Variants in CALCR observed in about 807,000 individuals in gnomAD.
The protein encoded by CALCR is calcitonin receptor.
A neutral mutation model predicts 59.5 loss-of-function variants in CALCR; 47 were observed. The observed-to-expected ratio is 0.79, with a 90% confidence interval of 0.63 to 1.01. CALCR has a LOEUF of 1.01. CALCR is among the 50% of genes least tolerant of loss of function. CALCR has a pLI of 0.00. For synonymous variants in CALCR, 213 were observed against 211.3 expected, an observed-to-expected ratio of 1.01 and a Z score of -0.07; for missense variants, 566 against 597.1, an observed-to-expected ratio of 0.95 and a Z score of 0.54.
In CALCR at chr7:93,436,048, C is replaced by G. The variant is rs1436977163; in HGVS notation, c.1053G>C (p.Leu351=). The change falls in exon 12 of 14, where the codon CTG becomes CTC. Residue 351 remains leucine (L), a synonymous_variant. Coordinates refer to ENST00000426151, the MANE Select transcript of CALCR (RefSeq NM_001742.4). ...AVKATMILVP[L]LGIQFVVFPW... ...GAAAGACGACAAACTGGATTCCCAG[C>G]AGGGGCACAAGGATCATGGTGGCCT... 1 of 1,613,902 alleles carries G rather than the reference C, an allele frequency of 6.2e-7. No homozygotes were observed. Among genetic ancestry groups the G allele is most frequent in the African/African-American group, 1.3e-5 (1 of 75,036 alleles).
intron 2 of CALCR, among the ~76,000 whole-genome samples, chr7:93,568,691 CTA>C (rs1205457225): frequency 1.3e-5 from 2 of 151,732 alleles, no homozygotes; most frequent in East Asian, 3.9e-4. Context: ...ATTTTTTCCT[CTA>C]TGTTTTCTTT....
At chr7:93,568,332 C>A (rs891816097) in intron 2 of CALCR, among the ~76,000 whole-genome samples, 3 of 152,260 alleles carry the variant, frequency 2.0e-5, no homozygotes, top group African/African-American at 4.8e-5. Flanking sequence ...TTATTGTGTA[C>A]AATCAGTGTC....
At chr7:93,461,360 C>A (rs891573344) in intron 7 of CALCR, among the ~76,000 whole-genome samples, 1 of 152,136 alleles carries the variant, frequency 6.6e-6, no homozygotes, top group Admixed American at 6.6e-5. Flanking sequence ...GGTCACAGAG[C>A]GTGAAGTCAG....
intron 13 of CALCR, among the ~76,000 whole-genome samples, chr7:93,429,945 T>TGTTTG (rs750690555): frequency 2.0e-5 from 3 of 147,766 alleles, no homozygotes; most frequent in Admixed American, 6.8e-5. Flanking sequence ...TTTTTTTGTT[T>TGTTTG]TTTTTTGAGA....
chr7:93,512,597 C>A (rs1243593498), intron 2 of CALCR, among the ~76,000 whole-genome samples: 1 of 152,108 alleles, frequency 6.6e-6, no homozygotes, highest in African/African-American at 2.4e-5. Flanking sequence ...CAGGGACATC[C>A]TCTTGCTTAA....
At chr7:93,546,546 G>T (rs1172607949) in intron 2 of CALCR, among the ~76,000 whole-genome samples, 1 of 151,704 alleles carries the variant, frequency 6.6e-6, no homozygotes, top group Non-Finnish European at 1.5e-5. Flanking sequence ...GGGCCCATGA[G>T]TGAGTGACTT....
intron 2 of CALCR, among the ~76,000 whole-genome samples, chr7:93,523,980 A>G (rs1349800946): frequency 6.6e-6 from 1 of 152,006 alleles, no homozygotes; most frequent in Non-Finnish European, 1.5e-5. Flanking sequence ...TAATGTATTT[A>G]TAACTCTAAG....
chr7:93,426,799 T>C (rs1319333154), intron 13 of CALCR, among the ~76,000 whole-genome samples: 3 of 152,204 alleles, frequency 2.0e-5, no homozygotes, highest in African/African-American at 4.8e-5. Flanking sequence ...CTTGCTTAAA[T>C]TACCCCTGGC....
At chr7:93,491,225 C>A (rs1801068608) in intron 2 of CALCR, among the ~76,000 whole-genome samples, 1 of 151,700 alleles carries the variant, frequency 6.6e-6, no homozygotes, top group Non-Finnish European at 1.5e-5. Flanking sequence ...TAAAAATGGA[C>A]CTCTTCCTTA....
chr7:93,448,643 T>C (rs1275726127), intron 8 of CALCR, among the ~76,000 whole-genome samples: 1 of 152,024 alleles, frequency 6.6e-6, no homozygotes, highest in African/African-American at 2.4e-5. Flanking sequence ...TTTAAGACAG[T>C]TAAAAATTCT....
At chr7:93,537,081 T>C (rs201016357) in intron 2 of CALCR, among the ~76,000 whole-genome samples, 42,459 of 151,244 alleles carry the variant, frequency 0.28, 7,024 homozygotes, top group South Asian at 0.38. Context: ...CTTGCGACTT[T>C]TTTGTGAGCT....
chr7:93,494,635 G>C (rs575400400), intron 2 of CALCR, among the ~76,000 whole-genome samples: 1 of 151,516 alleles, frequency 6.6e-6, no homozygotes, highest in East Asian at 2.0e-4. Flanking sequence ...AGTCAGAAAA[G>C]TTGCACTGCA....
At chr7:93,492,843 T>C (rs980928411) in intron 2 of CALCR, among the ~76,000 whole-genome samples, 27 of 151,328 alleles carry the variant, frequency 1.8e-4, no homozygotes, top group Non-Finnish European at 3.0e-4. Context: ...AAAACCTGAA[T>C]AGGGTTTTGA....
At chr7:93,544,338 A>G (rs1453999891) in intron 2 of CALCR, among the ~76,000 whole-genome samples, 2 of 152,152 alleles carry the variant, frequency 1.3e-5, no homozygotes, top group African/African-American at 2.4e-5. Flanking sequence ...AAAGTCTTCC[A>G]GTTTGTAGGC....
chr7:93,468,294 G>C (rs1203778083), intron 7 of CALCR, among the ~76,000 whole-genome samples: 16 of 151,706 alleles, frequency 1.1e-4, no homozygotes, highest in Admixed American at 9.9e-4. Context: ...ACATATGCTA[G>C]CAAGAAATAA....
chr7:93,505,686 T>C (rs1801410164), intron 2 of CALCR, among the ~76,000 whole-genome samples: 1 of 152,188 alleles, frequency 6.6e-6, no homozygotes, highest in South Asian at 2.1e-4. Context: ...ATAAGCCATG[T>C]CTACAAAATA....
At chr7:93,510,298 C>A (rs1262198272) in intron 2 of CALCR, among the ~76,000 whole-genome samples, 1 of 152,038 alleles carries the variant, frequency 6.6e-6, no homozygotes, top group Non-Finnish European at 1.5e-5. Context: ...ACTTAGGACC[C>A]GTCCAATGTC....
At chr7:93,541,385 T>C (rs1384596166) in intron 2 of CALCR, among the ~76,000 whole-genome samples, 1 of 151,988 alleles carries the variant, frequency 6.6e-6, no homozygotes, top group Non-Finnish European at 1.5e-5. Flanking sequence ...ATGTTGTCTC[T>C]ATCTCTTGAC....
intron 2 of CALCR, among the ~76,000 whole-genome samples, chr7:93,554,456 C>T (rs1789539638): frequency 6.6e-6 from 1 of 151,926 alleles, no homozygotes; most frequent in South Asian, 2.1e-4. Context: ...CTAGACAGTA[C>T]AAGTGACCTC....
Sources: allele counts gnomAD v4.1 joint callset (sites outside exome capture counted in the v4.1 genomes callset), GRCh38; gene constraint gnomAD v4.1.1; transcripts MANE v1.5; gene names NCBI Gene and HGNC (gene_info 2026-07-23, HGNC 2026-07-21).